Variants in PAFAH1B1 observed in about 807,000 individuals in gnomAD.
PAFAH1B1 encodes the protein platelet-activating factor acetylhydrolase IB subunit beta.
In PAFAH1B1, 2 loss-of-function variants were observed where a neutral mutation model predicts 57.5. The observed-to-expected ratio is 0.03, with a 90% CI of 0.01 to 0.11. The LOEUF is 0.11. PAFAH1B1 is among the 10% of genes least tolerant of loss of function. PAFAH1B1 has a pLI of 1.00. For synonymous variants in PAFAH1B1, 152 were observed against 169.6 expected (o/e 0.90, Z 0.81); for missense variants, 257 against 512.0 (o/e 0.50, Z 4.81).
At chr17:2,638,351 A>T (rs747770213) in intron 2 of PAFAH1B1, 31 bp downstream of exon 2, 3 of 1,592,824 alleles carry the variant, frequency 1.9e-6, no homozygotes, top group South Asian at 1.1e-5. Flanking sequence ...CTTTAAAAAA[A>T]ATCTCCCTCA....
intron 1 of PAFAH1B1, among the ~76,000 whole-genome samples, chr17:2,619,163 T>G (rs2068386735): frequency 1.3e-5 from 2 of 152,062 alleles, no homozygotes; most frequent in Admixed American, 1.3e-4. Flanking sequence ...TCTTTATTTA[T>G]TTTTGAGACA....
chr17:2,633,810 C>A (rs754332362), intron 1 of PAFAH1B1, among the ~76,000 whole-genome samples: 1 of 152,094 alleles, frequency 6.6e-6, no homozygotes, highest in African/African-American at 2.4e-5. Context: ...GAGACATACT[C>A]TCTCCTCTTT....
chr17:2,622,950 G>A (rs980381587), intron 1 of PAFAH1B1, among the ~76,000 whole-genome samples: 1 of 152,196 alleles, frequency 6.6e-6, no homozygotes, highest in African/African-American at 2.4e-5. Context: ...AAGGCTTGGG[G>A]CTTCCACCCT....
intron 1 of PAFAH1B1, among the ~76,000 whole-genome samples, chr17:2,617,269 G>A (rs1290282220): frequency 6.6e-6 from 1 of 152,168 alleles, no homozygotes; most frequent in Non-Finnish European, 1.5e-5. Context: ...AGGTCAGTAG[G>A]AATGCTTCTC....
intron 1 of PAFAH1B1, among the ~76,000 whole-genome samples, chr17:2,621,130 C>CT (rs942310449): frequency 6.6e-4 from 98 of 148,406 alleles, no homozygotes; most frequent in African/African-American, 1.9e-3. Context: ...TTGAAACTAC[C>CT]TTTTTTTTTT....
intron 2 of PAFAH1B1, among the ~76,000 whole-genome samples, chr17:2,644,120 A>T (rs2068735570): frequency 6.7e-6 from 1 of 148,484 alleles, no homozygotes; most frequent in African/African-American, 2.5e-5. Context: ...AAGCCTCCCG[A>T]GTTGCTGGGA....
chr17:2,632,833 G>A (rs1048677573), intron 1 of PAFAH1B1, among the ~76,000 whole-genome samples: 18 of 152,154 alleles, frequency 1.2e-4, no homozygotes, highest in East Asian at 1.9e-4. Flanking sequence ...GAGCAACCTC[G>A]GATACCAAAA....
intron 1 of PAFAH1B1, among the ~76,000 whole-genome samples, chr17:2,606,879 C>A (rs1160482956): frequency 1.5e-5 from 2 of 135,692 alleles, no homozygotes; most frequent in Non-Finnish European, 3.0e-5. Context: ...GGCTGGAGTG[C>A]AGTGGCGCAA....
intron 2 of PAFAH1B1, among the ~76,000 whole-genome samples, chr17:2,657,857 A>C (rs1320424971): frequency 6.6e-6 from 1 of 152,176 alleles, no homozygotes; most frequent in Non-Finnish European, 1.5e-5. Flanking sequence ...AATAACAAGC[A>C]CTCATCCCTT....
At chr17:2,611,430 T>C (rs1209781473) in intron 1 of PAFAH1B1, among the ~76,000 whole-genome samples, 1 of 150,814 alleles carries the variant, frequency 6.6e-6, no homozygotes, top group Non-Finnish European at 1.5e-5. Flanking sequence ...ATCACGCCAT[T>C]GCACTCCAGC....
At chr17:2,620,652 A>G (rs763401958) in intron 1 of PAFAH1B1, among the ~76,000 whole-genome samples, 15 of 152,142 alleles carry the variant, frequency 9.9e-5, no homozygotes, top group Non-Finnish European at 1.8e-4. Flanking sequence ...TCACAAGGTC[A>G]AGAGATTGAT....
chr17:2,680,666 C>G (rs934658593), intron 10 of PAFAH1B1, among the ~76,000 whole-genome samples: 1 of 152,166 alleles, frequency 6.6e-6, no homozygotes, highest in African/African-American at 2.4e-5. Context: ...TTCCCACTGG[C>G]AGGTGTATAC....
At chr17:2,593,438 T>G (rs1222916195), upstream of PAFAH1B1, 1 of 152,588 alleles carries the variant, frequency 6.6e-6, no homozygotes, top group Non-Finnish European at 1.5e-5. Context: ...AAGCAGCACC[T>G]CGCACGCAGA....
intron 1 of PAFAH1B1, among the ~76,000 whole-genome samples, chr17:2,597,576 A>G (rs1347409356): frequency 6.6e-6 from 1 of 151,530 alleles, no homozygotes; most frequent in Non-Finnish European, 1.5e-5. Flanking sequence ...ACACCTGGCT[A>G]ATTTTTGTAT....
intron 5 of PAFAH1B1, among the ~76,000 whole-genome samples, chr17:2,669,810 T>C (rs1188255891): frequency 6.6e-6 from 1 of 152,134 alleles, no homozygotes; most frequent in Non-Finnish European, 1.5e-5. Flanking sequence ...TCTCTTTCTT[T>C]CCTCTTATTT....
At chr17:2,593,484 C>G (rs968579392), upstream of PAFAH1B1, among the ~76,000 whole-genome samples, 2 of 151,714 alleles carry the variant, frequency 1.3e-5, no homozygotes, top group Non-Finnish European at 2.9e-5. Context: ...CTCAGCCGCC[C>G]GCCCGCTAGA....
At chr17:2,593,443 C>T (rs75906129), upstream of PAFAH1B1, 2,256 of 152,882 alleles carry the variant, frequency 0.015, 67 homozygotes, top group African/African-American at 0.052. Context: ...GCACCTCGCA[C>T]GCAGACTCGC....
chr17:2,607,154 G>A (rs568998370), intron 1 of PAFAH1B1, among the ~76,000 whole-genome samples: 29 of 151,668 alleles, frequency 1.9e-4, no homozygotes, highest in Middle Eastern at 6.8e-3. Context: ...CATTATTACA[G>A]TTATAGTTGA....
intron 2 of PAFAH1B1, among the ~76,000 whole-genome samples, chr17:2,653,303 G>A (rs1279270741): frequency 6.6e-6 from 1 of 152,060 alleles, no homozygotes. Flanking sequence ...ATAGCATTAG[G>A]AGATATACCT....
Sources: gnomAD v4.1 joint callset for allele counts (sites outside exome capture counted in the v4.1 genomes callset) on GRCh38, gnomAD v4.1.1 for gene constraint, MANE v1.5 for transcripts, NCBI Gene and HGNC (gene_info 2026-07-23, HGNC 2026-07-21) for gene names.